AKR1C8: variants seen among roughly 807,000 people sequenced by gnomAD.
AKR1C8 encodes aldo-keto reductase family 1 member C-like protein 1.
At chr10:5,151,743 G>T in the AKR1C8 span, among the ~76,000 whole-genome samples, 16 of 152,040 alleles carry the variant, frequency 1.1e-4, no homozygotes, top group African/African-American at 3.9e-4. Context: ...TTTCAGTAGA[G>T]ATGGGATTTC....
At chr10:5,144,668 CTCTG>C in the AKR1C8 span, among the ~76,000 whole-genome samples, 34 of 151,988 alleles carry the variant, frequency 2.2e-4, no homozygotes, top group South Asian at 4.2e-4. Context: ...TGATTTGGCT[CTCTG>C]TCTGTTATTG....
At chr10:5,176,169 A>G in the AKR1C8 span, among the ~76,000 whole-genome samples, 10,324 of 146,730 alleles carry the variant, frequency 0.07, 452 homozygotes, top group East Asian at 0.11. Flanking sequence ...GTGTAAGGAA[A>G]GGATCCAGTT....
the AKR1C8 span, chr10:5,162,754 G>C: frequency 5.3e-6 from 2 of 380,100 alleles, no homozygotes; most frequent in East Asian, 1.2e-4. Context: ...ATAATATTAG[G>C]AGGTAAATAA....
the AKR1C8 span, among the ~76,000 whole-genome samples, chr10:5,137,840 C>T: frequency 6.6e-6 from 1 of 151,998 alleles, no homozygotes; most frequent in Non-Finnish European, 1.5e-5. Flanking sequence ...AGCCTCAAAA[C>T]CAGCAAATTT....
the AKR1C8 span, among the ~76,000 whole-genome samples, chr10:5,153,653 C>A: frequency 6.6e-6 from 1 of 152,046 alleles, no homozygotes; most frequent in Non-Finnish European, 1.5e-5. Flanking sequence ...GTGGCCAGAG[C>A]AGCAGGAAGA....
the AKR1C8 span, among the ~76,000 whole-genome samples, chr10:5,157,978 C>CTAA: frequency 6.6e-6 from 1 of 152,136 alleles, no homozygotes; most frequent in Non-Finnish European, 1.5e-5. Context: ...GAACTGGAAA[C>CTAA]AATAAGGCTG....
At chr10:5,132,606 G>T in the AKR1C8 span, 1 of 1,571,822 alleles carries the variant, frequency 6.4e-7, no homozygotes, top group South Asian at 1.1e-5. Flanking sequence ...CAGTACCTTT[G>T]AAGTGTAGAA....
chr10:5,178,320 T>G, the AKR1C8 span, among the ~76,000 whole-genome samples: 2 of 152,220 alleles, frequency 1.3e-5, no homozygotes, highest in Non-Finnish European at 2.9e-5. Flanking sequence ...TGAGTTCTAG[T>G]TTGATTGCAC....
At chr10:5,143,806 A>C in the AKR1C8 span, among the ~76,000 whole-genome samples, 2 of 150,498 alleles carry the variant, frequency 1.3e-5, no homozygotes, top group African/African-American at 4.9e-5. Context: ...TGATTTTGGC[A>C]GTGGAAGTGG....
the AKR1C8 span, chr10:5,162,865 G>A: frequency 1.9e-6 from 1 of 534,220 alleles, no homozygotes; most frequent in South Asian, 1.4e-5. Flanking sequence ...TGATGGTGTA[G>A]AATATTTCCT....
chr10:5,154,335 A>G, the AKR1C8 span: 6 of 278,902 alleles, frequency 2.2e-5, no homozygotes, highest in African/African-American at 1.3e-4. Context: ...GGAGGGGATG[A>G]GATGCATTTC....
the AKR1C8 span, among the ~76,000 whole-genome samples, chr10:5,137,368 G>A: frequency 2.2e-4 from 34 of 152,094 alleles, no homozygotes; most frequent in Admixed American, 3.9e-4. Flanking sequence ...CTGGCAAACC[G>A]AATCCAGCAG....
the AKR1C8 span, among the ~76,000 whole-genome samples, chr10:5,179,340 G>A: frequency 2.5e-4 from 38 of 152,136 alleles, no homozygotes; most frequent in Non-Finnish European, 4.3e-4. Context: ...AGTTTCTGCC[G>A]AGAGATCTGC....
chr10:5,118,485 AC>A, the AKR1C8 span, among the ~76,000 whole-genome samples: 1 of 152,206 alleles, frequency 6.6e-6, no homozygotes, highest in African/African-American at 2.4e-5. Flanking sequence ...CATAATTTAC[AC>A]AGAAAGGTGG....
the AKR1C8 span, among the ~76,000 whole-genome samples, chr10:5,180,032 TGGA>T: frequency 1.3e-5 from 2 of 152,242 alleles, no homozygotes; most frequent in Non-Finnish European, 2.9e-5. Context: ...TGCGTTCGTT[TGGA>T]GGAGGAGAGG....
At chr10:5,132,544 C>G in the AKR1C8 span, 3 of 1,338,348 alleles carry the variant, frequency 2.2e-6, no homozygotes, top group African/African-American at 3.0e-5. Flanking sequence ...ACAGAATTGT[C>G]ATCTCCACAC....
At chr10:5,179,077 T>G in the AKR1C8 span, among the ~76,000 whole-genome samples, 10 of 152,326 alleles carry the variant, frequency 6.6e-5, no homozygotes, top group South Asian at 8.3e-4. Flanking sequence ...CTAGCCTCGA[T>G]GGTCTTTACA....
At chr10:5,179,050 G>C in the AKR1C8 span, among the ~76,000 whole-genome samples, 1 of 152,166 alleles carries the variant, frequency 6.6e-6, no homozygotes, top group Admixed American at 6.5e-5. Context: ...TTGCTCGTTA[G>C]TTGATGCAGT....
chr10:5,115,817 T>A, the AKR1C8 span, among the ~76,000 whole-genome samples: 3 of 151,766 alleles, frequency 2.0e-5, no homozygotes, highest in Admixed American at 1.3e-4. Flanking sequence ...AAAATGAAGA[T>A]TTTTTTTAGT....
Sources: allele counts gnomAD v4.1 joint callset (sites outside exome capture counted in the v4.1 genomes callset), GRCh38; gene constraint gnomAD v4.1.1; transcripts MANE v1.5; gene names NCBI Gene and HGNC (gene_info 2026-07-23, HGNC 2026-07-21).